Variants in GALNT13 observed in about 807,000 individuals in gnomAD.
GALNT13 encodes polypeptide N-acetylgalactosaminyltransferase 13, also known as UDP-GalNAc:polypeptide N-acetylgalactosaminyltransferase 13.
Under a neutral mutation model 64.2 loss-of-function variants are expected in GALNT13, and 28 were observed. The ratio of observed to expected loss-of-function variants is 0.44; its 90% CI spans 0.32 to 0.60. The LOEUF is 0.60. Among genes scored for constraint, GALNT13 ranks in the 20% least tolerant of loss-of-function variants. GALNT13 has a pLI of 0.05. For synonymous variants in GALNT13, 214 were observed against 224.6 expected (o/e 0.95, Z 0.42); for missense variants, 577 against 669.8 (o/e 0.86, Z 1.53).
the GALNT13 span, among the ~76,000 whole-genome samples, chr2:153,485,399 A>G: frequency 6.6e-6 from 1 of 152,162 alleles, no homozygotes; most frequent in African/African-American, 2.4e-5. Context: ...TTTAATTATT[A>G]TTTACACACT....
At chr2:153,891,438 G>T (rs1687546889) in intron 1 of GALNT13, among the ~76,000 whole-genome samples, 1 of 151,852 alleles carries the variant, frequency 6.6e-6, no homozygotes, top group Non-Finnish European at 1.5e-5. Flanking sequence ...AAACTCATTT[G>T]GTATTTGAAA....
the GALNT13 span, among the ~76,000 whole-genome samples, chr2:153,452,740 C>A: frequency 5.9e-5 from 9 of 151,782 alleles, no homozygotes; most frequent in African/African-American, 2.2e-4. Flanking sequence ...ATTAAGCAAC[C>A]AATATTGTTT....
chr2:153,120,249 C>A, the GALNT13 span, among the ~76,000 whole-genome samples: 3 of 152,198 alleles, frequency 2.0e-5, no homozygotes, highest in African/African-American at 7.2e-5. Flanking sequence ...TCAACACACA[C>A]AAGGACCCCA....
At chr2:153,423,460 A>G in the GALNT13 span, 2 of 151,944 alleles carry the variant, frequency 1.3e-5, no homozygotes, top group Admixed American at 1.3e-4. Flanking sequence ...CAAGGCCTCA[A>G]TGCCTTCTTC....
At chr2:154,301,961 T>A (rs973776924) in intron 9 of GALNT13, among the ~76,000 whole-genome samples, 15 of 152,074 alleles carry the variant, frequency 9.9e-5, no homozygotes, top group Non-Finnish European at 1.9e-4. Context: ...TGCAGATATT[T>A]AAATTTATAT....
At chr2:153,922,856 G>T (rs1689849820) in intron 2 of GALNT13, among the ~76,000 whole-genome samples, 1 of 151,836 alleles carries the variant, frequency 6.6e-6, no homozygotes, top group Admixed American at 6.6e-5. Flanking sequence ...AAGTAATAAG[G>T]TCATTTGAAG....
intron 4 of GALNT13, among the ~76,000 whole-genome samples, chr2:154,223,287 C>T (rs1688410351): frequency 6.6e-6 from 1 of 151,958 alleles, no homozygotes; most frequent in Non-Finnish European, 1.5e-5. Flanking sequence ...ATGTTTCATA[C>T]AGCTAAATGT....
chr2:154,018,014 A>T (rs1369688639), intron 3 of GALNT13, among the ~76,000 whole-genome samples: 1 of 152,120 alleles, frequency 6.6e-6, no homozygotes, highest in African/African-American at 2.4e-5. Flanking sequence ...GTTGCTTTAT[A>T]ATTGATTTGC....
At chr2:153,426,528 AGAG>A in the GALNT13 span, among the ~76,000 whole-genome samples, 1 of 152,018 alleles carries the variant, frequency 6.6e-6, no homozygotes, top group African/African-American at 2.4e-5. Flanking sequence ...GGTCTCAAGA[AGAG>A]AACTATGATC....
At chr2:153,649,031 G>T in the GALNT13 span, among the ~76,000 whole-genome samples, 4 of 152,164 alleles carry the variant, frequency 2.6e-5, no homozygotes, top group Admixed American at 2.6e-4. Flanking sequence ...AATAGTTTCA[G>T]AAAGAATGGT....
the GALNT13 span, among the ~76,000 whole-genome samples, chr2:153,599,226 T>C: frequency 2.0e-5 from 3 of 152,096 alleles, no homozygotes; most frequent in African/African-American, 4.8e-5. Flanking sequence ...ATTATTTATC[T>C]CTTTATGGTA....
intron 9 of GALNT13, among the ~76,000 whole-genome samples, chr2:154,371,564 A>G (rs1291078911): frequency 6.6e-6 from 1 of 152,080 alleles, no homozygotes; most frequent in Non-Finnish European, 1.5e-5. Flanking sequence ...ATGATTCAGG[A>G]TTAAGAGGAA....
chr2:153,483,198 C>T, the GALNT13 span, among the ~76,000 whole-genome samples: 2 of 152,058 alleles, frequency 1.3e-5, no homozygotes, highest in African/African-American at 2.4e-5. Context: ...AAAATTACCA[C>T]ATAATCCAGC....
At position 153,980,668 on chromosome 2, in the gene GALNT13, A is replaced by G. The variant is rs184666670; in HGVS notation, c.142+36029A>G. On this transcript the variant is annotated intron_variant, in intron 3 of 12. Transcript: ENST00000392825. ...GGATACATATTTCTGAATCTTAGAG[A>G]ACTAAGGGGCAACTTTAAAAATTGA... 2.6e-5 allele frequency among the ~76,000 whole-genome samples: 4 copies of G among 152,256 alleles called. No individual in the cohort carries two copies. The East Asian group carries it at 7.7e-4, about 29-fold the overall frequency.
the GALNT13 span, among the ~76,000 whole-genome samples, chr2:153,582,462 C>T: frequency 2.6e-5 from 4 of 151,876 alleles, no homozygotes; most frequent in African/African-American, 4.8e-5. Flanking sequence ...AGTAAAATTC[C>T]GGTTATACAG....
chr2:153,748,033 T>G, the GALNT13 span, among the ~76,000 whole-genome samples: 1 of 152,160 alleles, frequency 6.6e-6, no homozygotes, highest in Non-Finnish European at 1.5e-5. Context: ...GTATATGCAT[T>G]GTAAGTATAT....
rs3755085 is a variant in GALNT13, at chr2:154,438,811, G to T, written c.1530+85G>T. ...CATTCAACATTTAAATCTTAAGCTG[G>T]TTTTTATCTACATTGGCAGAATTAG... On this transcript the variant is annotated intron_variant, in intron 12 of 12. Transcript: ENST00000392825. The T allele has an allele frequency of 1.0e-4, 113 of 1,105,674 alleles. 1 individual carries two copies. The East Asian group carries it at 2.5e-3, about 25-fold the overall frequency. The allele number at this position is 1,105,674 out of a possible 1,614,324, so 68.5% of individuals were successfully genotyped here. A position where few individuals can be genotyped will look rare whatever the true frequency, so the allele number is the denominator to read the frequency against.
chr2:153,728,557 C>A, the GALNT13 span, among the ~76,000 whole-genome samples: 1 of 151,930 alleles, frequency 6.6e-6, no homozygotes, highest in Non-Finnish European at 1.5e-5. Flanking sequence ...GATCACAAAT[C>A]GACACCCTGA....
the GALNT13 span, among the ~76,000 whole-genome samples, chr2:153,858,185 A>G: frequency 6.6e-6 from 1 of 152,166 alleles, no homozygotes; most frequent in African/African-American, 2.4e-5. Flanking sequence ...GAGCAACTAT[A>G]TGGGATAAGT....
Sources: gnomAD v4.1 joint callset for allele counts (sites outside exome capture counted in the v4.1 genomes callset) on GRCh38, gnomAD v4.1.1 for gene constraint, MANE v1.5 for transcripts, NCBI Gene and HGNC (gene_info 2026-07-23, HGNC 2026-07-21) for gene names.